The following RBMS3 variants were observed in gnomAD, a reference collection of about 807,000 sequenced individuals.
RBMS3 encodes RNA binding motif single stranded interacting protein 3.
Under a neutral mutation model 66.8 loss-of-function variants are expected in RBMS3, and 27 were observed. The observed-to-expected ratio is 0.40, with a 90% CI of 0.30 to 0.56. The LOEUF is 0.56. Ranked by LOEUF, RBMS3 falls within the 20% of genes least tolerant of loss-of-function variation. The pLI is 0.40. For missense variants in RBMS3, 513 were observed against 549.5 expected, an observed-to-expected ratio of 0.93 and a Z score of 0.66; for synonymous variants, 188 against 183.0, an observed-to-expected ratio of 1.03 and a Z score of -0.22.
At chr3:29,619,178 A>G (rs2149149228) in intron 4 of RBMS3, among the ~76,000 whole-genome samples, 1 of 151,852 alleles carries the variant, frequency 6.6e-6, no homozygotes, top group African/African-American at 2.4e-5. Flanking sequence ...AAGGGAGGGA[A>G]CTTAGATGAA....
intron 4 of RBMS3, among the ~76,000 whole-genome samples, chr3:29,647,051 C>T (rs540868861): frequency 6.6e-6 from 1 of 152,240 alleles, no homozygotes; most frequent in South Asian, 2.1e-4. Context: ...GATCTTGGCT[C>T]ACTGCAACCT....
intron 1 of RBMS3, among the ~76,000 whole-genome samples, chr3:29,400,284 C>G (rs1289047566): frequency 6.6e-6 from 1 of 151,968 alleles, no homozygotes; most frequent in Non-Finnish European, 1.5e-5. Context: ...TATGATGAAC[C>G]TTGAGGACGT....
chr3:29,296,437 T>C (rs894845749), intron 1 of RBMS3, among the ~76,000 whole-genome samples: 1 of 151,832 alleles, frequency 6.6e-6, no homozygotes, highest in African/African-American at 2.4e-5. Context: ...GCTTAATCAG[T>C]GTCAAGTAAT....
At chr3:29,541,454 C>G (rs1221397441) in intron 3 of RBMS3, among the ~76,000 whole-genome samples, 14 of 151,878 alleles carry the variant, frequency 9.2e-5, no homozygotes, top group Non-Finnish European at 1.6e-4. Context: ...TGATGCCCTT[C>G]CCACCACAGT....
chr3:29,747,323 T>C (rs1176902916), intron 5 of RBMS3, among the ~76,000 whole-genome samples: 1 of 152,140 alleles, frequency 6.6e-6, no homozygotes, highest in Non-Finnish European at 1.5e-5. Context: ...GGGGCAGTTA[T>C]ATAAACTCTC....
intron 4 of RBMS3, among the ~76,000 whole-genome samples, chr3:29,662,943 G>T (rs569150925): frequency 6.6e-6 from 1 of 152,254 alleles, no homozygotes; most frequent in Admixed American, 6.5e-5. Context: ...AAATATGTGG[G>T]GATTTTTGGT....
chr3:29,570,254 T>C (rs1043333514), intron 3 of RBMS3, among the ~76,000 whole-genome samples: 3 of 152,142 alleles, frequency 2.0e-5, no homozygotes, highest in African/African-American at 7.2e-5. Context: ...GTTACAGGCA[T>C]GTAATGCATA....
At chr3:29,602,262 A>C (rs1219885663) in intron 4 of RBMS3, among the ~76,000 whole-genome samples, 2 of 151,976 alleles carry the variant, frequency 1.3e-5, no homozygotes, top group Non-Finnish European at 2.9e-5. Context: ...ATAGAGTGTT[A>C]TTATATCTTA....
chr3:29,605,221 C>A (rs1207111793), intron 4 of RBMS3, among the ~76,000 whole-genome samples: 1 of 151,766 alleles, frequency 6.6e-6, no homozygotes, highest in Non-Finnish European at 1.5e-5. Context: ...ACTAAAAATT[C>A]TTAAACTGAA....
At chr3:29,314,633 G>A (rs2034568472) in intron 1 of RBMS3, among the ~76,000 whole-genome samples, 1 of 151,470 alleles carries the variant, frequency 6.6e-6, no homozygotes, top group African/African-American at 2.4e-5. Flanking sequence ...TTTTATCTCG[G>A]GTGCACAGGG....
chr3:29,324,383 A>C (rs1176617758), intron 1 of RBMS3, among the ~76,000 whole-genome samples: 1 of 152,118 alleles, frequency 6.6e-6, no homozygotes, highest in Non-Finnish European at 1.5e-5. Flanking sequence ...GATTATGCAC[A>C]GTTTGGGCTA....
At chr3:29,784,441 G>A (rs900314878) in intron 6 of RBMS3, among the ~76,000 whole-genome samples, 4 of 152,052 alleles carry the variant, frequency 2.6e-5, no homozygotes, top group Non-Finnish European at 5.9e-5. Context: ...TGATCACGGG[G>A]TCAACAATGA....
chr3:29,723,164 A>T (rs2053717066), intron 4 of RBMS3, among the ~76,000 whole-genome samples: 1 of 151,862 alleles, frequency 6.6e-6, no homozygotes, highest in South Asian at 2.1e-4. Context: ...TTTAGTAGAG[A>T]TGGGGTTTCA....
intron 12 of RBMS3, among the ~76,000 whole-genome samples, chr3:29,947,996 C>A (rs6785991): frequency 0.028 from 4,266 of 151,150 alleles, 130 homozygotes; most frequent in African/African-American, 0.067. Context: ...AAAAGAAAAA[C>A]GGGGCCTGAA....
chr3:29,867,747 T>C (rs1004883609), intron 6 of RBMS3, among the ~76,000 whole-genome samples: 1 of 151,590 alleles, frequency 6.6e-6, no homozygotes, highest in African/African-American at 2.4e-5. Flanking sequence ...CAATATTATA[T>C]AGCAAGAGGC....
chr3:29,917,262 A>C (rs1479120375), intron 10 of RBMS3, among the ~76,000 whole-genome samples: 1 of 152,120 alleles, frequency 6.6e-6, no homozygotes, highest in Non-Finnish European at 1.5e-5. Context: ...TAAAAATAGC[A>C]AGCAGGTGTA....
chr3:29,331,268 T>C (rs2035637306), intron 1 of RBMS3, among the ~76,000 whole-genome samples: 1 of 152,122 alleles, frequency 6.6e-6, no homozygotes, highest in Non-Finnish European at 1.5e-5. Context: ...CTAGTGACTT[T>C]CTTCAGAGGA....
intron 6 of RBMS3, among the ~76,000 whole-genome samples, chr3:29,774,561 G>A (rs1226193375): frequency 6.6e-5 from 10 of 152,104 alleles, no homozygotes; most frequent in African/African-American, 2.4e-4. Flanking sequence ...AGATGGTATA[G>A]TGAGCTTGAT....
intron 6 of RBMS3, among the ~76,000 whole-genome samples, chr3:29,804,531 A>C (rs892155961): frequency 6.6e-6 from 1 of 152,088 alleles, no homozygotes; most frequent in African/African-American, 2.4e-5. Context: ...TGTGCCAATC[A>C]TTGAGATTCA....
Sources: gnomAD v4.1 joint callset for allele counts (sites outside exome capture counted in the v4.1 genomes callset) on GRCh38, gnomAD v4.1.1 for gene constraint, MANE v1.5 for transcripts, NCBI Gene and HGNC (gene_info 2026-07-23, HGNC 2026-07-21) for gene names.